Variants in ITSN1 observed in about 807,000 individuals in gnomAD.
ITSN1 encodes intersectin-1.
In ITSN1, 58 loss-of-function variants were observed where a neutral mutation model predicts 239.8. That is an observed-to-expected ratio of 0.24 (90% CI 0.20 to 0.30). The LOEUF is 0.30. Ranked by LOEUF, ITSN1 falls within the 10% of genes least tolerant of loss-of-function variation. The pLI, the probability that ITSN1 is intolerant of heterozygous loss-of-function variation, is 1.00. For missense variants in ITSN1, 1,558 were observed against 2,103.3 expected (o/e 0.74, Z 5.07); for synonymous variants, 780 against 770.8 (o/e 1.01, Z -0.20).
chr21:33,869,354 A>AAAACCATC, intron 33 of ITSN1, among the ~76,000 whole-genome samples: 1 of 152,356 alleles, frequency 6.6e-6, no homozygotes, highest in South Asian at 2.1e-4. Context: ...AACCCCTTAC[A>AAAACCATC]AAACCATCAG....
chr21:33,656,667 G>A (rs1568856198), intron 1 of ITSN1, among the ~76,000 whole-genome samples: 1 of 152,066 alleles, frequency 6.6e-6, no homozygotes, highest in South Asian at 2.1e-4. Flanking sequence ...CCCGGAGTAG[G>A]TAGATCAGGT....
intron 29 of ITSN1, chr21:33,837,990 T>G: frequency 3.0e-6 from 3 of 985,876 alleles, no homozygotes; most frequent in Non-Finnish European, 3.6e-6. Context: ...AGTAATTTTC[T>G]TGACAAGAAA....
At chr21:33,792,734 C>T (rs2071238903) in intron 16 of ITSN1, among the ~76,000 whole-genome samples, 1 of 152,136 alleles carries the variant, frequency 6.6e-6, no homozygotes, top group Non-Finnish European at 1.5e-5. Flanking sequence ...TTCTTTTCCC[C>T]TTCCCTCTGT....
intron 5 of ITSN1, among the ~76,000 whole-genome samples, chr21:33,744,616 G>A (rs888647202): frequency 6.6e-6 from 1 of 152,096 alleles, no homozygotes; most frequent in Non-Finnish European, 1.5e-5. Flanking sequence ...GCTGAATCCA[G>A]GTCTAGATAT....
In ITSN1 at chr21:33,898,639, G is replaced by C. The variant is rs147727965; in HGVS notation, c.*10339G>C. 51 of 152,420 alleles carry C rather than the reference G, an allele frequency of 3.3e-4. No homozygotes were observed. The East Asian group carries it at 6.2e-3, about 18-fold the overall frequency. 9.4% of individuals were successfully genotyped at this position (152,420 alleles called of 1,614,324 possible). ...CCTGGAAATACTGCAGTAACAAAAA[G>C]AGCTGGTTTCTGGTGATCTGAATGC... is the stretch of plus-strand genomic sequence containing the variant. On this transcript the variant is annotated 3_prime_UTR_variant, in exon 40 of 40. Coordinates refer to ENST00000381318, the MANE Select transcript of ITSN1 (RefSeq NM_003024.3).
intron 1 of ITSN1, among the ~76,000 whole-genome samples, chr21:33,679,594 A>G (rs1438444848): frequency 6.6e-6 from 1 of 151,380 alleles, no homozygotes; most frequent in Non-Finnish European, 1.5e-5. Flanking sequence ...TTTGTGGATT[A>G]TAGGTTTTAG....
chr21:33,646,797 G>A (rs2087995683), intron 1 of ITSN1, among the ~76,000 whole-genome samples: 1 of 152,134 alleles, frequency 6.6e-6, no homozygotes, highest in South Asian at 2.1e-4. Flanking sequence ...TTGTACTACT[G>A]GACTTTTATG....
chr21:33,769,276 A>G (rs901810154), intron 11 of ITSN1, among the ~76,000 whole-genome samples: 9 of 152,258 alleles, frequency 5.9e-5, no homozygotes, highest in South Asian at 2.1e-4. Context: ...AAGCAACATT[A>G]TCAGAGATTT....
In ITSN1 at chr21:33,893,114, G is replaced by A. The variant is rs886209008; in HGVS notation, c.*4814G>A. ...GCCACTGCCATGTGCCTGCCAGCCC[G>A]GTTTCTGATGAAGACGTGGCTCAGT... On this transcript the variant is annotated 3_prime_UTR_variant, in exon 40 of 40. Coordinates refer to ENST00000381318, the MANE Select transcript of ITSN1 (RefSeq NM_003024.3). 6.6e-6 allele frequency: 1 copy of A among 152,284 alleles called. No homozygotes were observed. The highest frequency in any genetic ancestry group is 2.4e-5 in the African/African-American group (1 of 41,448). The allele number at this position is 152,284 out of a possible 1,614,324, so 9.4% of individuals were successfully genotyped here.
At chr21:33,671,498 TGGTCTTGACCTCCTGAC>T (rs2090278403) in intron 1 of ITSN1, among the ~76,000 whole-genome samples, 1 of 152,060 alleles carries the variant, frequency 6.6e-6, no homozygotes, top group Non-Finnish European at 1.5e-5. Context: ...TTGGTCAGGC[TGGTCTTGACCTCCTGAC>T]CTCAGTGCTG....
intron 24 of ITSN1, among the ~76,000 whole-genome samples, chr21:33,819,700 A>G (rs934855938): frequency 1.1e-4 from 17 of 152,200 alleles, no homozygotes; most frequent in Non-Finnish European, 1.8e-4. Context: ...AAGTAACTAC[A>G]GGCCGGGCGC....
At chr21:33,851,165 C>G (rs1305607389) in intron 29 of ITSN1, among the ~76,000 whole-genome samples, 3 of 152,190 alleles carry the variant, frequency 2.0e-5, no homozygotes, top group African/African-American at 7.2e-5. Flanking sequence ...GCCCTTCCCA[C>G]CTTTCCACCT....
intron 1 of ITSN1, among the ~76,000 whole-genome samples, chr21:33,717,964 C>T (rs1015680301): frequency 6.6e-6 from 1 of 151,986 alleles, no homozygotes; most frequent in Non-Finnish European, 1.5e-5. Context: ...ATTTTTGGAG[C>T]ATTAGATTTG....
At chr21:33,783,347 A>G (rs1023274473) in intron 16 of ITSN1, among the ~76,000 whole-genome samples, 2 of 152,218 alleles carry the variant, frequency 1.3e-5, no homozygotes, top group Non-Finnish European at 2.9e-5. Context: ...TTGTCTAGAC[A>G]TCTGAGTTTG....
At chr21:33,834,823 C>T (rs992241218) in intron 28 of ITSN1, among the ~76,000 whole-genome samples, 6 of 146,524 alleles carry the variant, frequency 4.1e-5, no homozygotes, top group South Asian at 4.3e-4. Context: ...CTGGGGGCCA[C>T]GGGGGTTGGG....
chr21:33,714,968 G>A (rs73900361), intron 1 of ITSN1, among the ~76,000 whole-genome samples: 220 of 152,024 alleles, frequency 1.4e-3, no homozygotes, highest in African/African-American at 5.0e-3. Flanking sequence ...GTAAGTAAAG[G>A]AGAAATTCAT....
intron 28 of ITSN1, among the ~76,000 whole-genome samples, chr21:33,835,068 G>A (rs1474830215): frequency 6.6e-6 from 1 of 152,164 alleles, no homozygotes; most frequent in Non-Finnish European, 1.5e-5. Context: ...TCTGCTTTAG[G>A]TCTTTAAGCC....
At chr21:33,820,499 C>T (rs182390767) in intron 24 of ITSN1, among the ~76,000 whole-genome samples, 86 of 152,226 alleles carry the variant, frequency 5.6e-4, no homozygotes, top group Non-Finnish European at 1.0e-3. Flanking sequence ...TGTTAACATT[C>T]CTTAGAAACC....
At chr21:33,840,626 C>T (rs972133058) in intron 29 of ITSN1, among the ~76,000 whole-genome samples, 6 of 151,732 alleles carry the variant, frequency 4.0e-5, no homozygotes, top group Admixed American at 3.3e-4. Flanking sequence ...CCTCCCAAAG[C>T]ACTGGGATTA....
Sources: allele counts gnomAD v4.1 joint callset (sites outside exome capture counted in the v4.1 genomes callset), GRCh38; gene constraint gnomAD v4.1.1; transcripts MANE v1.5; gene names NCBI Gene and HGNC (gene_info 2026-07-23, HGNC 2026-07-21).